Variants in NEDD4L observed in about 807,000 individuals in gnomAD.
The protein encoded by NEDD4L is NEDD4 like E3 ubiquitin protein ligase, also known as E3 ubiquitin-protein ligase NEDD4-like.
In NEDD4L, 54 loss-of-function variants were observed where a neutral mutation model predicts 148.9. The observed-to-expected ratio is 0.36, with a 90% CI of 0.29 to 0.45. The LOEUF (loss-of-function observed/expected upper bound fraction) is 0.45. Ranked by LOEUF, NEDD4L falls within the 20% of genes least tolerant of loss-of-function variation. The pLI is 1.00. For synonymous variants in NEDD4L, 433 were observed against 440.7 expected (o/e 0.98, Z 0.22); for missense variants, 856 against 1,233.8 (o/e 0.69, Z 4.59).
chr18:58,285,006 C>T (rs557654602), intron 5 of NEDD4L, among the ~76,000 whole-genome samples: 111 of 152,320 alleles, frequency 7.3e-4, no homozygotes, highest in African/African-American at 2.5e-3. Flanking sequence ...CTCTCATCTA[C>T]GTGCTCATAA....
chr18:58,385,987 C>T (rs2048960980), intron 26 of NEDD4L, among the ~76,000 whole-genome samples: 1 of 151,968 alleles, frequency 6.6e-6, no homozygotes, highest in South Asian at 2.1e-4. Flanking sequence ...GAAGCGCAGT[C>T]CCCAAAGTGC....
At chr18:58,159,311 T>C (rs1249979541) in intron 1 of NEDD4L, among the ~76,000 whole-genome samples, 2 of 152,072 alleles carry the variant, frequency 1.3e-5, no homozygotes, top group Non-Finnish European at 2.9e-5. Flanking sequence ...TATGATACTA[T>C]AATGGGGGAT....
chr18:58,297,280 TACA>T (rs1455725714), intron 5 of NEDD4L, among the ~76,000 whole-genome samples: 8 of 152,150 alleles, frequency 5.3e-5, no homozygotes, highest in Non-Finnish European at 1.5e-5. Flanking sequence ...GTCCCCTAGT[TACA>T]ACAAGGATGG....
chr18:58,339,859 G>A (rs1288629293), intron 13 of NEDD4L, among the ~76,000 whole-genome samples: 3 of 152,204 alleles, frequency 2.0e-5, no homozygotes, highest in African/African-American at 7.2e-5. Flanking sequence ...ATTGCTGGTA[G>A]TGCAGGGAAA....
chr18:58,215,393 G>A (rs1054691428), intron 2 of NEDD4L, among the ~76,000 whole-genome samples: 8 of 152,022 alleles, frequency 5.3e-5, no homozygotes, highest in East Asian at 3.9e-4. Flanking sequence ...GTATCTCTTC[G>A]TGTATTTATA....
At chr18:58,184,809 T>C (rs1304427704) in intron 2 of NEDD4L, among the ~76,000 whole-genome samples, 3 of 151,876 alleles carry the variant, frequency 2.0e-5, no homozygotes, top group African/African-American at 7.3e-5. Context: ...GCGCCTGTAG[T>C]CCCAGCTACT....
rs1359697888 is a variant in NEDD4L at position 58,330,798 on chromosome 18, C to T, written c.874C>T (p.Pro292Ser). Residue 292 changes from proline (P) to serine (S), a missense_variant, in exon 11 of 31, where the codon CCC (proline) becomes TCC (serine). Pro to Ser is a moderately conservative substitution (Grantham distance 74). This residue lies in a region of NEDD4L where 367 missense variants were observed against 422.7 expected (regional missense o/e 0.87). Transcript: ENST00000400345. ...TGGAGACTCTCTCGGTCTGGCTCTG[C>T]CCCCACCACCGGCCTCCCCAGGATC... is the stretch of plus-strand genomic sequence containing the variant. The part of the protein sequence containing the change: ...IAGDSLGLAL[P>S]PPPASPGSRT... The T allele has an allele frequency of 6.2e-7, 1 of 1,613,614 alleles. No individual in the cohort carries two copies. Among genetic ancestry groups the T allele is most frequent in the South Asian group, 1.1e-5 (1 of 90,998 alleles).
At chr18:58,133,829 C>A (rs1404145265) in intron 1 of NEDD4L, among the ~76,000 whole-genome samples, 4 of 152,136 alleles carry the variant, frequency 2.6e-5, no homozygotes, top group Non-Finnish European at 5.9e-5. Flanking sequence ...CAAGCCAGTC[C>A]TAGTTGCCTT....
chr18:58,320,590 G>A (rs2058688168), intron 6 of NEDD4L, among the ~76,000 whole-genome samples: 1 of 152,206 alleles, frequency 6.6e-6, no homozygotes, highest in Non-Finnish European at 1.5e-5. Context: ...AAGGCAGGAG[G>A]ACGTCTTGAG....
chr18:58,370,737 TAA>T (rs1284986553), intron 23 of NEDD4L, among the ~76,000 whole-genome samples: 4 of 152,248 alleles, frequency 2.6e-5, no homozygotes, highest in Non-Finnish European at 4.4e-5. Flanking sequence ...GTGAACTTAC[TAA>T]ATCCAAGAGA....
At chr18:58,069,136 CAAAA>C (rs1161273608) in intron 1 of NEDD4L, among the ~76,000 whole-genome samples, 3 of 73,240 alleles carry the variant, frequency 4.1e-5, no homozygotes, top group South Asian at 5.5e-4. Context: ...AATCTGTCTC[CAAAA>C]AAAAAAAAAA....
rs369608371 is a variant in NEDD4L, at chr18:58,389,139, A to G, written c.2602A>G (p.Ile868Val). Residue 868 changes from isoleucine (I) to valine (V), a missense_variant, in exon 28 of 31, where the codon ATT becomes GTT. Physicochemically the swap from Ile to Val is conservative, Grantham distance 29 (BLOSUM62 3). Around this residue, in one of 4 missense-constraint regions of NEDD4L, gnomAD observed 286 missense variants for 531.8 expected, o/e 0.54. Coordinates refer to ENST00000400345, the MANE Select transcript of NEDD4L (RefSeq NM_001144967.3). Reference sequence around the variant, plus strand: ...TGTGAATGACTGGAGACAGCATTCTATTTACAAGAACGGCTACTGCCCAAA... The same window carrying G: ...TGTGAATGACTGGAGACAGCATTCTGTTTACAAGAACGGCTACTGCCCAAA... ...VDVNDWRQHS[I>V]YKNGYCPNHP... 8 of 1,613,876 alleles carry G rather than the reference A, an allele frequency of 5.0e-6. No homozygotes were observed. In the African/African-American group the frequency reaches 8.0e-5, roughly 16 times the overall value.
At chr18:58,121,794 A>G (rs1283749328) in intron 1 of NEDD4L, among the ~76,000 whole-genome samples, 1 of 152,218 alleles carries the variant, frequency 6.6e-6, no homozygotes, top group African/African-American at 2.4e-5. Context: ...GCAATCTTGA[A>G]AAATACTCAG....
chr18:58,265,985 A>G (rs1181086411), intron 5 of NEDD4L, among the ~76,000 whole-genome samples: 1 of 152,086 alleles, frequency 6.6e-6, no homozygotes, highest in Non-Finnish European at 1.5e-5. Flanking sequence ...TTTTTGTTGG[A>G]TATGACATTT....
At chr18:58,188,262 A>G (rs151275429) in intron 2 of NEDD4L, among the ~76,000 whole-genome samples, 1 of 152,316 alleles carries the variant, frequency 6.6e-6, no homozygotes, top group African/African-American at 2.4e-5. Context: ...ATGAGTGAAA[A>G]TGTGCATACA....
chr18:58,238,140 T>A (rs762226925), intron 2 of NEDD4L, among the ~76,000 whole-genome samples: 77 of 152,230 alleles, frequency 5.1e-4, no homozygotes, highest in Non-Finnish European at 1.0e-3. Context: ...AAATTGTACA[T>A]ATTTAAGAGT....
chr18:58,266,891 CATT>C (rs2050296392), intron 5 of NEDD4L, among the ~76,000 whole-genome samples: 1 of 152,048 alleles, frequency 6.6e-6, no homozygotes, highest in Non-Finnish European at 1.5e-5. Flanking sequence ...ATTAAGAGAT[CATT>C]ATTCTCTGCT....
At chr18:58,378,452 C>T (rs2047868159) in intron 24 of NEDD4L, among the ~76,000 whole-genome samples, 1 of 152,246 alleles carries the variant, frequency 6.6e-6, no homozygotes, top group Non-Finnish European at 1.5e-5. Flanking sequence ...AGGAGCCAGA[C>T]GAAGAGCCCG....
intron 13 of NEDD4L, chr18:58,335,851 AT>A (rs1365861526): frequency 7.9e-6 from 2 of 253,674 alleles, no homozygotes; most frequent in Admixed American, 9.9e-5. Context: ...TTTCCATTTC[AT>A]TAGAATGCTT....
Sources: allele counts gnomAD v4.1 joint callset (sites outside exome capture counted in the v4.1 genomes callset), GRCh38; gene constraint gnomAD v4.1.1; regional missense constraint gnomAD v4.1.1; transcripts MANE v1.5; gene names NCBI Gene and HGNC (gene_info 2026-07-23, HGNC 2026-07-21).